GPX3: variants seen among roughly 807,000 people sequenced by gnomAD.
The protein encoded by GPX3 is GPx-3.
A neutral mutation model predicts 25.1 loss-of-function variants in GPX3; 22 were observed. The observed-to-expected ratio is 0.88, with a 90% CI of 0.63 to 1.25. The LOEUF (loss-of-function observed/expected upper bound fraction) is 1.25, where lower values mean the gene tolerates loss of function less well. Ranked by LOEUF, GPX3 falls within the 50% of genes most tolerant of loss-of-function variation. GPX3 has a pLI of 0.00. For synonymous variants in GPX3, 110 were observed against 114.5 expected (o/e 0.96, Z 0.25); for missense variants, 278 against 286.6 (o/e 0.97, Z 0.22).
chr5:151,020,720 C>T lies in GPX3; in HGVS notation c.66C>T (p.Ser22=), dbSNP rs1362819670. The T allele has an allele frequency of 1.2e-6, 2 of 1,611,742 alleles. No individual in the cohort carries two copies. The highest frequency in any genetic ancestry group is 1.7e-6 in the Non-Finnish European group (2 of 1,179,406). Residue 22 remains serine (S), a synonymous_variant, in exon 1 of 5, where the codon AGC becomes AGT. Coordinates refer to ENST00000388825, the MANE Select transcript of GPX3 (RefSeq NM_002084.5). ...TCCTGGCCGGCTTCGTCTCGCAGAG[C>T]CGGGGACAAGAGAAGTCGAAGGTGA... ...SLLLAGFVSQ[S]RGQEKSKMDC... is the part of the protein sequence containing the mutation.
In GPX3 at chr5:151,025,397, G is replaced by A. The variant is rs760476705; in HGVS notation, c.145G>A (p.Asp49Asn). 4 of 1,611,230 alleles carry A rather than the reference G, an allele frequency of 2.5e-6. No individual in the cohort carries two copies. In the South Asian group the frequency reaches 4.4e-5, roughly 18 times the overall value. The change falls in exon 2 of 5, where the codon GAT becomes AAT. Residue 49 changes from aspartate to asparagine, a missense_variant. Transcript: ENST00000388825. The part of the protein sequence containing the change: ...TIYEYGALTI[D>N]GEEYIPFKQY... ...TTACGAGTACGGAGCCCTCACCATT[G>A]ATGGGGAGGAGTACATCCCCTTCAA...
At chr5:151,026,826 C>A in intron 2 of GPX3, 74 bp from the exon 3 acceptor site, 2 of 1,058,230 alleles carry the variant, frequency 1.9e-6, no homozygotes, top group Non-Finnish European at 2.8e-6. Context: ...AGCGGGTGAG[C>A]CGGGGGAGTG....
At position 151,020,987 on chromosome 5, in the gene GPX3, G is replaced by A. The variant is rs1756466804; in HGVS notation, c.87+246G>A. 1.1e-5 allele frequency: 6 copies of A among 546,710 alleles called. No homozygotes were observed. The Admixed American group carries it at 1.3e-4, about 12-fold the overall frequency. 33.9% of individuals were successfully genotyped at this position (546,710 alleles called of 1,614,324 possible). On this transcript the variant is annotated intron_variant, in intron 1 of 4. Transcript: ENST00000388825. ...GCTTCAGGCGGGCAGAATGACTAAG[G>A]GAGGAAGGTCTCTCTCCCCGAGCTC... is the stretch of plus-strand genomic sequence containing the variant.
In GPX3 at chr5:151,028,064, C is replaced by T; in HGVS notation, c.615C>T (p.Ser205=). The part of the protein sequence containing the change: ...IMRWHHRTTV[S]NVKMDILSYM... ...GCTGGCACCACCGGACCACGGTCAG[C>T]AACGTCAAGATGGACATCCTGTCCT... Residue 205 remains serine (S), a synonymous_variant, in exon 5 of 5, where the codon AGC becomes AGT. Transcript: ENST00000388825. The T allele has an allele frequency of 6.2e-7, 1 of 1,612,730 alleles. No individual in the cohort carries two copies. The highest frequency in any genetic ancestry group is 8.5e-7 in the Non-Finnish European group (1 of 1,179,312).
Position 151,028,633 on chromosome 5 carries a change from CT to C in GPX3, c.*504del, listed in dbSNP as rs543372300. On this transcript the variant is annotated 3_prime_UTR_variant, in exon 5 of 5. Transcript: ENST00000388825. ...CTGACGTCCCCAGAAGTTTCTGGGTCTACCACACTCCCCAACCCCCCACTCC... is the reference window on the plus strand; with the variant it reads ...CTGACGTCCCCAGAAGTTTCTGGGTCACCACACTCCCCAACCCCCCACTCC... 3.8e-4 allele frequency: 63 copies of C among 164,230 alleles called. No individual in the cohort carries two copies. Among genetic ancestry groups the C allele is most frequent in the African/African-American group, 1.2e-3 (52 of 41,736 alleles). 10.2% of individuals were successfully genotyped at this position (164,230 alleles called of 1,614,324 possible).
chr5:151,020,951 C>T (rs1447858860), intron 1 of GPX3: 1 of 640,540 alleles, frequency 1.6e-6, no homozygotes, highest in South Asian at 1.7e-5. Flanking sequence ...GTTGGAGAGC[C>T]GAGACCTGGT....
rs1012950329 is a variant in GPX3 at position 151,022,037 on chromosome 5, CCT to C, written c.87+1300_87+1301del. 8.5e-5 allele frequency among the ~76,000 whole-genome samples: 13 copies of C among 152,336 alleles called. 1 individual carries two copies. The South Asian group carries it at 2.7e-3, about 32-fold the overall frequency. On this transcript the variant is annotated intron_variant, in intron 1 of 4. Coordinates refer to ENST00000388825, the MANE Select transcript of GPX3 (RefSeq NM_002084.5). ...CCTCAGCCTAAATCCGATTAATCAG[CCT>C]CTCCTTGGAGTCAGTCTAAATGGAT...
rs1240478893 is a variant in GPX3 at position 151,025,502 on chromosome 5, C to G, written c.241+9C>G. On this transcript the variant is annotated intron_variant, in intron 2 of 4. Transcript: ENST00000388825. ...GACGGGCCAGTACATTGGTAAGAGC[C>G]CACCCTTCCTCCCTGCTTTATTTGG... The G allele has an allele frequency of 6.3e-7, 1 of 1,590,036 alleles. No individual in the cohort carries two copies. Among genetic ancestry groups the G allele is most frequent in the Non-Finnish European group, 8.6e-7 (1 of 1,167,920 alleles).
intron 1 of GPX3, among the ~76,000 whole-genome samples, chr5:151,024,786 T>C (rs1217261999): frequency 1.3e-5 from 2 of 152,220 alleles, no homozygotes; most frequent in Non-Finnish European, 2.9e-5. Context: ...TTTCCTGTCC[T>C]GCAGATTGGG....
chr5:151,027,481 A>G lies in GPX3; in HGVS notation c.409A>G (p.Lys137Glu), dbSNP rs1756568748. The G allele has an allele frequency of 1.2e-6, 2 of 1,613,862 alleles. No individual in the cohort carries two copies. Among genetic ancestry groups the G allele is most frequent in the East Asian group, 4.5e-5 (2 of 44,878 alleles). Reference sequence around the variant, plus strand: ...TGTCCCTAATTTCCAGCTCTTTGAGAAAGGGGATGTCAATGGAGAGAAAGA... The same window carrying G: ...TGTCCCTAATTTCCAGCTCTTTGAGGAAGGGGATGTCAATGGAGAGAAAGA... Reference protein sequence around the residue: ...GFVPNFQLFEKGDVNGEKEQK... With the variant: ...GFVPNFQLFEEGDVNGEKEQK... The change falls in exon 4 of 5, where the codon AAA becomes GAA. Residue 137 changes from lysine to glutamate, a missense_variant. Coordinates refer to ENST00000388825, the MANE Select transcript of GPX3 (RefSeq NM_002084.5).
At chr5:151,025,569 A>G (rs751693517) in intron 2 of GPX3, 76 bp downstream of exon 2, 49 of 1,315,526 alleles carry the variant, frequency 3.7e-5, no homozygotes, top group Non-Finnish European at 5.1e-5. Context: ...TTTCTGGTGC[A>G]TGGGGGAAAG....
At chr5:151,023,374 C>T (rs182211556) in intron 1 of GPX3, among the ~76,000 whole-genome samples, 121 of 152,296 alleles carry the variant, frequency 7.9e-4, no homozygotes, top group African/African-American at 2.6e-3. Flanking sequence ...CAGATTCCCA[C>T]AACCATTTTG....
In GPX3 at chr5:151,027,534, A is replaced by G. The variant is rs1347399626; in HGVS notation, c.459+3A>G. The G allele has an allele frequency of 6.3e-7, 1 of 1,584,704 alleles. No individual in the cohort carries two copies. ...AGAAATTCTACACTTTCCTAAAGGT[A>G]AGTGAGCTGCCACCTGTGCTGGCTG... On this transcript the variant is annotated splice_donor_region_variant and intron_variant, in intron 4 of 4. Coordinates refer to ENST00000388825, the MANE Select transcript of GPX3 (RefSeq NM_002084.5).
At chr5:151,023,725 G>A (rs561873647) in intron 1 of GPX3, among the ~76,000 whole-genome samples, 203 of 152,258 alleles carry the variant, frequency 1.3e-3, no homozygotes, top group Middle Eastern at 3.4e-3. Flanking sequence ...ATTTTAAGGC[G>A]GAACTGGCCC....
intron 3 of GPX3, 130 bp downstream of exon 3, chr5:151,027,147 TG>T: frequency 1.4e-6 from 1 of 694,724 alleles, no homozygotes; most frequent in Non-Finnish European, 2.5e-6. Context: ...CCCAGTGGAA[TG>T]AGGGAAGGGA....
chr5:151,027,092 T>C (rs1581699369), intron 3 of GPX3, 75 bp downstream of exon 3: 2 of 979,450 alleles, frequency 2.0e-6, no homozygotes, highest in East Asian at 2.4e-5. Flanking sequence ...CAAATCATGG[T>C]GGACATTTAT....
At chr5:151,027,635 A>G in intron 4 of GPX3, 104 bp downstream of exon 4, 1 of 774,742 alleles carries the variant, frequency 1.3e-6, no homozygotes, top group South Asian at 1.6e-5. Context: ...GCTCTTGGGG[A>G]ATTTCTTGGC....
rs554387529 is a variant in GPX3, at chr5:151,028,450, A to G, written c.*320A>G. On this transcript the variant is annotated 3_prime_UTR_variant, in exon 5 of 5. Transcript: ENST00000388825. The stretch of plus-strand genomic sequence containing the variant: ...TGCAGCTGTGTAGTGCTGGACAGTG[A>G]CAACCCTTTCTCTCCAGTTCTCCAC... The G allele has an allele frequency of 2.8e-6, 1 of 356,690 alleles. No homozygotes were observed. The highest frequency in any genetic ancestry group is 6.3e-5 in the East Asian group (1 of 15,884). 22.1% of individuals were successfully genotyped at this position (356,690 alleles called of 1,614,324 possible). A position where few individuals can be genotyped will look rare whatever the true frequency, so the allele number is the denominator to read the frequency against.
intron 2 of GPX3, among the ~76,000 whole-genome samples, chr5:151,026,179 C>G (rs1756545574): frequency 6.6e-6 from 1 of 152,172 alleles, no homozygotes; most frequent in Non-Finnish European, 1.5e-5. Context: ...GGGGAACAGG[C>G]AACCAAAGGC....
Sources: gnomAD v4.1 joint callset for allele counts (sites outside exome capture counted in the v4.1 genomes callset) on GRCh38, gnomAD v4.1.1 for gene constraint, MANE v1.5 for transcripts, NCBI Gene and HGNC (gene_info 2026-07-23, HGNC 2026-07-21) for gene names.